The following PRELID2 variants were observed in gnomAD, a reference collection of about 807,000 sequenced individuals.
The protein encoded by PRELID2 is PRELI domain containing 2.
A neutral mutation model predicts 28.4 loss-of-function variants in PRELID2; 25 were observed. The observed-to-expected ratio is 0.88, with a 90% CI of 0.64 to 1.23. The LOEUF (loss-of-function observed/expected upper bound fraction) is 1.23. Among genes scored for constraint, PRELID2 ranks in the 50% most tolerant of loss-of-function variants. PRELID2 has a pLI of 0.00. For missense variants in PRELID2, 201 were observed against 214.4 expected, an observed-to-expected ratio of 0.94 and a Z score of 0.39; for synonymous variants, 76 against 71.6, an observed-to-expected ratio of 1.06 and a Z score of -0.31.
chr5:145,361,562 G>C, the PRELID2 span, among the ~76,000 whole-genome samples: 2 of 152,004 alleles, frequency 1.3e-5, no homozygotes, highest in African/African-American at 4.8e-5. Flanking sequence ...GTATGTAAAG[G>C]GCCACAAAAG....
chr5:145,343,787 A>G, the PRELID2 span, among the ~76,000 whole-genome samples: 1 of 151,876 alleles, frequency 6.6e-6, no homozygotes, highest in East Asian at 1.9e-4. Context: ...CCAAGAAAAA[A>G]AGAGTATACC....
chr5:145,555,556 C>T (rs533449148), intron 1 of PRELID2, among the ~76,000 whole-genome samples: 1 of 152,294 alleles, frequency 6.6e-6, no homozygotes, highest in African/African-American at 2.4e-5. Context: ...TATCACACAG[C>T]CCAGCTGATT....
At chr5:145,664,875 TG>T (rs1754558325) in intron 1 of PRELID2, among the ~76,000 whole-genome samples, 1 of 152,120 alleles carries the variant, frequency 6.6e-6, no homozygotes, top group Non-Finnish European at 1.5e-5. Flanking sequence ...TCACAGCAGC[TG>T]CCAAGGAGCT....
At chr5:145,395,701 G>A in the PRELID2 span, among the ~76,000 whole-genome samples, 86 of 151,994 alleles carry the variant, frequency 5.7e-4, no homozygotes, top group Non-Finnish European at 1.6e-4. Context: ...TTATTTTTCT[G>A]ATAATAAATT....
chr5:145,367,370 C>T, the PRELID2 span, among the ~76,000 whole-genome samples: 1 of 152,022 alleles, frequency 6.6e-6, no homozygotes, highest in East Asian at 1.9e-4. Flanking sequence ...TACTCACTGT[C>T]TGCACAGATG....
At chr5:145,280,772 C>G in the PRELID2 span, among the ~76,000 whole-genome samples, 2 of 148,608 alleles carry the variant, frequency 1.3e-5, no homozygotes, top group African/African-American at 5.0e-5. Context: ...TCTTGTGGAA[C>G]CTTTTAGTAA....
chr5:145,303,558 T>C, the PRELID2 span, among the ~76,000 whole-genome samples: 106 of 152,194 alleles, frequency 7.0e-4, no homozygotes, highest in African/African-American at 2.4e-3. Context: ...CATCTCTCTC[T>C]AGGAAGAGCA....
Position 145,796,441 on chromosome 5 carries a change from C to A in PRELID2, c.474+1G>T, listed in dbSNP as rs750785540. ...TTGGTTCAAAGCAGAAATATGGTTA[C>A]CTTCTGGGCTCCCTGTCGTAAGAAT... On this transcript the variant is annotated splice_donor_variant, in intron 5 of 6. Coordinates refer to ENST00000683046, the MANE Select transcript of PRELID2 (RefSeq NM_205846.3). LOFTEE classifies it high-confidence loss of function. The A allele has an allele frequency of 6.3e-7, 1 of 1,598,868 alleles. No individual in the cohort carries two copies.
At chr5:145,704,319 G>C (rs983713093) in intron 1 of PRELID2, 1 of 152,182 alleles carries the variant, frequency 6.6e-6, no homozygotes, top group Non-Finnish European at 1.5e-5. Context: ...AAAAGACACA[G>C]AGGAAATTCC....
chr5:145,618,543 G>A (rs1043268797), intron 1 of PRELID2, among the ~76,000 whole-genome samples: 1 of 152,168 alleles, frequency 6.6e-6, no homozygotes, highest in Non-Finnish European at 1.5e-5. Context: ...CCATCTATGG[G>A]TTTCTCAGCC....
the PRELID2 span, among the ~76,000 whole-genome samples, chr5:145,361,064 C>T: frequency 6.6e-6 from 1 of 152,168 alleles, no homozygotes; most frequent in Non-Finnish European, 1.5e-5. Flanking sequence ...TTAGAAAACA[C>T]TGCTCAAATG....
chr5:145,350,687 C>A, the PRELID2 span, among the ~76,000 whole-genome samples: 6 of 152,160 alleles, frequency 3.9e-5, no homozygotes, highest in African/African-American at 1.4e-4. Flanking sequence ...AACTGCCATA[C>A]TCACAATGAA....
intron 1 of PRELID2, among the ~76,000 whole-genome samples, chr5:145,722,513 T>TTTC (rs79209595): frequency 1.3e-5 from 2 of 151,314 alleles, no homozygotes; most frequent in African/African-American, 4.9e-5. Flanking sequence ...TAATTTTTTT[T>TTTC]TGAGACAGAG....
At chr5:145,229,374 T>C in the PRELID2 span, 2 of 742,832 alleles carry the variant, frequency 2.7e-6, no homozygotes, top group Non-Finnish European at 2.5e-6. Context: ...AAGAACCTCA[T>C]GCACATCAGC....
chr5:145,493,290 T>A (rs756468605), intron 1 of PRELID2, among the ~76,000 whole-genome samples: 1 of 152,176 alleles, frequency 6.6e-6, no homozygotes, highest in Non-Finnish European at 1.5e-5. Flanking sequence ...GATCATCAGA[T>A]CATTTCAGGC....
chr5:145,728,777 G>T (rs1244139478), intron 1 of PRELID2: 13 of 1,203,350 alleles, frequency 1.1e-5, no homozygotes, highest in Non-Finnish European at 1.6e-5. Context: ...TTGCACCAAT[G>T]TAGTAGGAGT....
intron 5 of PRELID2, chr5:145,796,207 TTTTCAC>T (rs1752734902): frequency 3.0e-6 from 1 of 337,732 alleles, no homozygotes; most frequent in African/African-American, 2.2e-5. Flanking sequence ...ATGCTCCAAA[TTTTCAC>T]ATACTCTTCA....
chr5:145,742,207 T>TAAA lies in PRELID2; in HGVS notation n.70+22723_70+22724insTTT, dbSNP rs1421865085. ...TTATATATAAATAATAATATATAAA[T>TAAA]ATACATTTTTATTTATATATAAATA... On this transcript the variant is annotated intron_variant and non_coding_transcript_variant, in intron 1 of 2. Transcript: ENST00000510259. Among the ~76,000 whole-genome samples the TAAA allele has an allele frequency of 1.2e-4, 17 of 138,238 alleles. No individual in the cohort carries two copies. In the East Asian group the frequency reaches 2.1e-3, roughly 17 times the overall value. 90.7% of individuals were successfully genotyped at this position (138,238 alleles called of 152,430 possible).
intron 5 of PRELID2, among the ~76,000 whole-genome samples, chr5:145,784,240 A>G (rs1331775955): frequency 6.6e-6 from 1 of 151,914 alleles, no homozygotes; most frequent in Non-Finnish European, 1.5e-5. Flanking sequence ...GCTTAAAAAA[A>G]AAAAAAAAAG....
Sources: gnomAD v4.1 joint callset for allele counts (sites outside exome capture counted in the v4.1 genomes callset) on GRCh38, gnomAD v4.1.1 for gene constraint, MANE v1.5 for transcripts, NCBI Gene and HGNC (gene_info 2026-07-23, HGNC 2026-07-21) for gene names.